The following TNRC6C variants were observed in gnomAD, a reference collection of about 807,000 sequenced individuals.
TNRC6C encodes trinucleotide repeat-containing gene 6C protein.
Under a neutral mutation model 153.7 loss-of-function variants are expected in TNRC6C, and 20 were observed. The observed-to-expected ratio is 0.13, with a 90% CI of 0.09 to 0.19. The LOEUF is 0.19. Among genes scored for constraint, TNRC6C ranks in the 10% least tolerant of loss-of-function variants. The pLI is 1.00. For synonymous variants in TNRC6C, 811 were observed against 841.4 expected (o/e 0.96, Z 0.63); for missense variants, 1,987 against 2,172.0 (o/e 0.91, Z 1.69).
At chr17:78,080,765 T>TA (rs1432237014) in intron 10 of TNRC6C, among the ~76,000 whole-genome samples, 1 of 152,160 alleles carries the variant, frequency 6.6e-6, no homozygotes, top group East Asian at 1.9e-4. Flanking sequence ...TTGAAGTACT[T>TA]ACAACATTCT....
Position 78,104,453 on chromosome 17 carries a change from C to T in TNRC6C, c.4713-32C>T. The T allele has an allele frequency of 6.8e-7, 1 of 1,465,540 alleles. No homozygotes were observed. The highest frequency in any genetic ancestry group is 9.0e-7 in the Non-Finnish European group (1 of 1,105,296). The allele number at this position is 1,465,540 out of a possible 1,614,324, so 90.8% of individuals were successfully genotyped here. ...ACGAACTCAGCAGGACTTGGGGTGG[C>T]CCTGTTCACGTGCCCCATCTTGCTG... is the stretch of plus-strand genomic sequence containing the variant. On this transcript the variant is annotated intron_variant, in intron 19 of 19. Transcript: ENST00000301624. This position sits in a 1 kb window ranked among gnomAD's most constrained non-coding sequence, Gnocchi z 6.2.
Position 78,016,368 on chromosome 17 carries a change from C to A in TNRC6C, c.-546+11289C>A, listed in dbSNP as rs377405828. Among the ~76,000 whole-genome samples the A allele has an allele frequency of 3.9e-5, 6 of 152,362 alleles. No individual in the cohort carries two copies. The East Asian group carries it at 9.6e-4, about 24-fold the overall frequency. The stretch of plus-strand genomic sequence containing the variant: ...TCACATGTAACTGGGGGAACCAGAT[C>A]CCTAGCCTCAGCTCTCCTTGCACGG... On this transcript the variant is annotated intron_variant, in intron 1 of 19. Coordinates refer to ENST00000301624, the Ensembl canonical transcript of TNRC6C.
chr17:78,009,241 TTTTC>T (rs2071578016), intron 1 of TNRC6C, among the ~76,000 whole-genome samples: 1 of 152,068 alleles, frequency 6.6e-6, no homozygotes, highest in South Asian at 2.1e-4. Flanking sequence ...GAGTAATCAG[TTTTC>T]TTTATTTTTG....
At chr17:78,042,940 G>A (rs1027440339) in intron 2 of TNRC6C, among the ~76,000 whole-genome samples, 6 of 152,054 alleles carry the variant, frequency 3.9e-5, no homozygotes, top group Non-Finnish European at 7.4e-5. Context: ...CCGGTTTGGG[G>A]GTTTTGTATG....
At chr17:77,988,338 C>T (rs573426041) in intron 1 of TNRC6C, among the ~76,000 whole-genome samples, 3 of 152,292 alleles carry the variant, frequency 2.0e-5, no homozygotes, top group Non-Finnish European at 4.4e-5. Context: ...CACCACTGCA[C>T]TCCAGCCTGG....
intron 1 of TNRC6C, among the ~76,000 whole-genome samples, chr17:78,028,062 A>AT (rs913660135): frequency 4.6e-5 from 7 of 151,138 alleles, no homozygotes; most frequent in Non-Finnish European, 7.4e-5. Flanking sequence ...TGCCCGGCTA[A>AT]TTTTTTTTTG....
chr17:77,958,702 CAGTT>C (rs1031543375), upstream of TNRC6C, among the ~76,000 whole-genome samples: 36 of 151,934 alleles, frequency 2.4e-4, no homozygotes, highest in East Asian at 7.7e-4. Context: ...GGGTTCTTGT[CAGTT>C]AGAGCAACAA....
chr17:78,105,884 T>C (rs1272110871), exon 20 of TNRC6C: 1 of 152,246 alleles, frequency 6.6e-6, no homozygotes, highest in Admixed American at 6.5e-5. Context: ...CGACAATTCA[T>C]GTGTAAATGT....
At position 78,024,113 on chromosome 17, in the gene TNRC6C, A is replaced by G. The variant is rs533529135; in HGVS notation, c.-545-7403A>G. 5.3e-5 allele frequency among the ~76,000 whole-genome samples: 8 copies of G among 152,260 alleles called. No homozygotes were observed. The East Asian group carries it at 1.5e-3, about 29-fold the overall frequency. On this transcript the variant is annotated intron_variant, in intron 1 of 19. Coordinates refer to ENST00000301624, the Ensembl canonical transcript of TNRC6C. ...AACACCGTCTCAAAAAAAAGCAAAA[A>G]CAAAAAAACCTTTTGAGGCAGATAC...
At position 78,049,652 on chromosome 17, in the gene TNRC6C, T is replaced by C. The variant is rs766850326; in HGVS notation, c.590T>C (p.Ile197Thr). 9.3e-6 allele frequency: 15 copies of C among 1,613,742 alleles called. No homozygotes were observed. The Admixed American group carries it at 1.3e-4, about 14-fold the overall frequency. Residue 197 changes from isoleucine (I) to threonine (T), a missense_variant, in exon 3 of 20, where the codon ATC becomes ACC. Physicochemically the swap from Ile to Thr is moderately conservative, Grantham distance 89. Transcript: ENST00000301624. The surrounding 1 kb of genome is among the most constrained non-coding windows in gnomAD (Gnocchi z 4.1). ...CCCATGAACTCTTCACCCAACCCTATCAATGCAATGCAGACAAATGGACTG... is the reference window on the plus strand; with the variant it reads ...CCCATGAACTCTTCACCCAACCCTACCAATGCAATGCAGACAAATGGACTG...
intron 1 of TNRC6C, among the ~76,000 whole-genome samples, chr17:77,973,318 A>G (rs1281339854): frequency 6.6e-6 from 1 of 152,242 alleles, no homozygotes; most frequent in African/African-American, 2.4e-5. Flanking sequence ...TCAACAAATT[A>G]GGTATAAAAG....
intron 1 of TNRC6C, among the ~76,000 whole-genome samples, chr17:77,984,348 T>A (rs1407667170): frequency 7.3e-6 from 1 of 136,150 alleles, no homozygotes. Flanking sequence ...CAAGACCTCA[T>A]CAATACTTAA....
upstream of TNRC6C, among the ~76,000 whole-genome samples, chr17:77,958,417 G>T (rs367663231): frequency 1.3e-5 from 2 of 151,872 alleles, no homozygotes; most frequent in South Asian, 2.1e-4. Flanking sequence ...CGCACCGCTC[G>T]CACCCCGGCG....
chr17:77,978,766 C>T (rs2071035370), intron 1 of TNRC6C, among the ~76,000 whole-genome samples: 1 of 152,158 alleles, frequency 6.6e-6, no homozygotes, highest in East Asian at 1.9e-4. Context: ...AACCACCCTT[C>T]TTACCCCCTA....
intron 13 of TNRC6C, 87 bp from the exon 16 acceptor site, chr17:78,091,353 C>T (rs1008428991): frequency 3.4e-5 from 46 of 1,344,086 alleles, no homozygotes; most frequent in Middle Eastern, 1.9e-4. Flanking sequence ...TTGCTGTAAG[C>T]GAAGACTGAA....
chr17:78,076,203 G>A (rs1449619911), intron 8 of TNRC6C, among the ~76,000 whole-genome samples: 3 of 148,120 alleles, frequency 2.0e-5, no homozygotes, highest in Admixed American at 6.8e-5. Context: ...ACGAGAGAGC[G>A]ATACTCTGTC....
intron 1 of TNRC6C, among the ~76,000 whole-genome samples, chr17:77,981,881 TAGA>T (rs72074731): frequency 0.015 from 2,254 of 152,296 alleles, 66 homozygotes; most frequent in African/African-American, 0.052. Context: ...TAGCCCTTGA[TAGA>T]AGAGATTTGA....
chr17:78,078,120 G>T (rs954901518), intron 9 of TNRC6C, among the ~76,000 whole-genome samples: 2 of 152,144 alleles, frequency 1.3e-5, no homozygotes, highest in African/African-American at 4.8e-5. Context: ...TACCAATAGT[G>T]CCCCTTCCAC....
intron 1 of TNRC6C, among the ~76,000 whole-genome samples, chr17:77,997,063 T>C (rs2071339554): frequency 6.6e-6 from 1 of 152,160 alleles, no homozygotes; most frequent in Non-Finnish European, 1.5e-5. Flanking sequence ...GGAGGTGGAA[T>C]ACCTGTGTCA....
Sources: gnomAD v4.1 joint callset for allele counts (sites outside exome capture counted in the v4.1 genomes callset) on GRCh38, gnomAD v4.1.1 for gene constraint, Gnocchi (gnomAD v3.1) non-coding constraint, MANE v1.5 for transcripts, NCBI Gene and HGNC (gene_info 2026-07-23, HGNC 2026-07-21) for gene names.